SLC1A4: variants seen among roughly 807,000 people sequenced by gnomAD.
The protein encoded by SLC1A4 is solute carrier family 1 member 4.
Under a neutral mutation model 37.7 loss-of-function variants are expected in SLC1A4, and 19 were observed. The ratio of observed to expected loss-of-function variants is 0.50; its 90% CI spans 0.35 to 0.74. The LOEUF (loss-of-function observed/expected upper bound fraction) is 0.74. Ranked by LOEUF, SLC1A4 falls within the 30% of genes least tolerant of loss-of-function variation. The pLI, the probability that SLC1A4 is intolerant of heterozygous loss-of-function variation, is 0.01. For synonymous variants in SLC1A4, 299 were observed against 309.8 expected (o/e 0.97, Z 0.37); for missense variants, 570 against 712.9 (o/e 0.80, Z 2.28).
chr2:65,003,235 G>A (rs1470740530), intron 2 of SLC1A4, among the ~76,000 whole-genome samples: 1 of 152,244 alleles, frequency 6.6e-6, no homozygotes, highest in Non-Finnish European at 1.5e-5. Context: ...CCTCCTGACA[G>A]TTCAAGGACC....
chr2:65,010,528 A>G (rs1020139897), intron 3 of SLC1A4, 69 bp from the exon 4 acceptor site: 3 of 1,350,430 alleles, frequency 2.2e-6, no homozygotes, highest in Non-Finnish European at 3.0e-6. Flanking sequence ...TGGTGGGGAC[A>G]CCAAGCAAAT....
intron 3 of SLC1A4, among the ~76,000 whole-genome samples, 180 bp from the exon 4 acceptor site, chr2:65,010,417 G>A (rs1193520654): frequency 7.9e-5 from 12 of 152,174 alleles, no homozygotes; most frequent in Non-Finnish European, 1.8e-4. Flanking sequence ...TGTATCCTCA[G>A]ACTACATCTC....
intron 1 of SLC1A4, chr2:65,000,187 TG>T (rs1311398023): frequency 6.6e-6 from 1 of 152,230 alleles, no homozygotes; most frequent in Non-Finnish European, 1.5e-5. Context: ...ACAAATGGAC[TG>T]TCAGCTGGAA....
chr2:64,993,128 T>C (rs1256299566), intron 1 of SLC1A4, among the ~76,000 whole-genome samples: 1 of 152,236 alleles, frequency 6.6e-6, no homozygotes, highest in Admixed American at 6.5e-5. Flanking sequence ...GCCTCAGTTA[T>C]CCAGCAGGCC....
chr2:65,021,392 C>T lies in SLC1A4; in HGVS notation c.*246C>T, dbSNP rs1674416775. 5 of 524,204 alleles carry T rather than the reference C, an allele frequency of 9.5e-6. No homozygotes were observed. The highest frequency in any genetic ancestry group is 1.0e-5 in the Non-Finnish European group (3 of 293,210). 32.5% of individuals were successfully genotyped at this position (524,204 alleles called of 1,614,324 possible). On this transcript the variant is annotated 3_prime_UTR_variant, in exon 8 of 8. Coordinates refer to ENST00000234256, the MANE Select transcript of SLC1A4 (RefSeq NM_003038.5). The stretch of plus-strand genomic sequence containing the variant: ...ATGTCCAGGTGCAACTGTGTGTACA[C>T]CAGGGATCTGTTTGGAAACAACCCC...
In SLC1A4 at chr2:64,989,647, G is replaced by C; in HGVS notation, c.4G>C (p.Glu2Gln). The C allele has an allele frequency of 6.6e-7, 1 of 1,524,892 alleles. No homozygotes were observed. The highest frequency in any genetic ancestry group is 8.7e-7 in the Non-Finnish European group (1 of 1,143,516). The allele number at this position is 1,524,892 out of a possible 1,614,324, so 94.5% of individuals were successfully genotyped here. The change falls in exon 1 of 8, where the codon GAG becomes CAG. Residue 2 changes from glutamate to glutamine, a missense_variant. Transcript: ENST00000234256. ...GCTCGGAGCGGCGTGTAGCGCCATG[G>C]AGAAGAGCAACGAGACCAACGGCTA... MEKSNETNGYLD... is the reference protein window; with the variant it reads MQKSNETNGYLD...
rs184796664 is a variant in SLC1A4 at position 64,996,029 on chromosome 2, C to G, written c.528-5419C>G. On this transcript the variant is annotated intron_variant, in intron 1 of 7. Coordinates refer to ENST00000234256, the MANE Select transcript of SLC1A4 (RefSeq NM_003038.5). ...TTCTGTTTGTTTTAAGTAATGTATT[C>G]AAAGAGTCTTATAGCGCTGGAAAAG... is the stretch of plus-strand genomic sequence containing the variant. 2.6e-5 allele frequency among the ~76,000 whole-genome samples: 4 copies of G among 152,260 alleles called. No individual in the cohort carries two copies. In the East Asian group the frequency reaches 7.7e-4, roughly 29 times the overall value.
intron 3 of SLC1A4, among the ~76,000 whole-genome samples, chr2:65,007,940 G>A (rs1364350419): frequency 1.3e-5 from 2 of 152,044 alleles, no homozygotes; most frequent in African/African-American, 4.8e-5. Flanking sequence ...CTATCAACCT[G>A]TACATTTGTA....
intron 4 of SLC1A4, among the ~76,000 whole-genome samples, chr2:65,015,476 G>A (rs912922322): frequency 6.6e-6 from 1 of 152,206 alleles, no homozygotes; most frequent in Admixed American, 6.5e-5. Context: ...AGGTAGGAGT[G>A]TCTATTTGAG....
chr2:65,016,469 T>C lies in SLC1A4; in HGVS notation c.830T>C (p.Val277Ala), dbSNP rs1475308517. 1.2e-6 allele frequency: 2 copies of C among 1,614,188 alleles called. No individual in the cohort carries two copies. The highest frequency in any genetic ancestry group is 1.7e-6 in the Non-Finnish European group (2 of 1,180,006). Residue 277 changes from valine to alanine, a missense_variant, in exon 5 of 8, where the codon GTT becomes GCT. Transcript: ENST00000234256. Reference protein sequence around the residue: ...WYVPVGIMFLVGSKIVEMKDI... With the variant: ...WYVPVGIMFLAGSKIVEMKDI... ...GTACCTGTGGGCATCATGTTCCTTG[T>C]TGGAAGCAAGATCGTGGAAATGAAA... is the stretch of plus-strand genomic sequence containing the variant.
In SLC1A4 at chr2:65,015,012, C is replaced by CA. The variant is rs548677430; in HGVS notation, c.801-1426dup. Among the ~76,000 whole-genome samples, 110 of 152,290 alleles carry CA rather than the reference C, an allele frequency of 7.2e-4. No homozygotes were observed. In the South Asian group the frequency reaches 7.5e-3, roughly 10 times the overall value. On this transcript the variant is annotated intron_variant, in intron 4 of 7. Transcript: ENST00000234256. ...TATTATTCAGCCTTAGAAAGGAGTA[C>CA]AATTCTAGCTCATGCTCCAATGTGG...
In SLC1A4 at chr2:64,989,709, C is replaced by G; in HGVS notation, c.66C>G (p.Pro22=). 1.3e-6 allele frequency: 2 copies of G among 1,517,100 alleles called. No individual in the cohort carries two copies. The highest frequency in any genetic ancestry group is 1.8e-6 in the Non-Finnish European group (2 of 1,138,472). The allele number at this position is 1,517,100 out of a possible 1,614,324, so 94.0% of individuals were successfully genotyped here. A position where few individuals can be genotyped will look rare whatever the true frequency, so the allele number is the denominator to read the frequency against. ...DSAQAGPAAG[P]GAPGTAAGRA... is the part of the protein sequence containing the mutation. ...CTCAGGCGGGGCCTGCGGCCGGGCCCGGAGCTCCGGGGACCGCGGCGGGAC... is the reference window on the plus strand; with the variant it reads ...CTCAGGCGGGGCCTGCGGCCGGGCCGGGAGCTCCGGGGACCGCGGCGGGAC... The change falls in exon 1 of 8, where the codon CCC becomes CCG. Residue 22 remains proline, a synonymous_variant. Transcript: ENST00000234256.
chr2:65,017,496 A>T (rs1341185059), intron 5 of SLC1A4, among the ~76,000 whole-genome samples: 2 of 139,950 alleles, frequency 1.4e-5, no homozygotes, highest in Middle Eastern at 3.8e-3. Context: ...AGGTGGGAGT[A>T]AAAAAAAAAA....
chr2:64,994,648 A>G (rs968534997), intron 1 of SLC1A4: 3 of 152,098 alleles, frequency 2.0e-5, no homozygotes, highest in Non-Finnish European at 2.9e-5. Flanking sequence ...GACTGGTGTG[A>G]ATATGTATGA....
In SLC1A4 at chr2:65,020,955, G is replaced by T; in HGVS notation, c.1408G>T (p.Gly470Cys). The change falls in exon 8 of 8, where the codon GGT becomes TGT. Residue 470 changes from glycine to cysteine, a missense_variant. Transcript: ENST00000234256. Reference protein sequence around the residue: ...TVVNVEGDALGAGILHHLNQK... With the variant: ...TVVNVEGDALCAGILHHLNQK... Reference sequence around the variant, plus strand: ...GGTGAATGTGGAAGGGGATGCCCTGGGTGCAGGCATTCTCCACCACCTGAA... The same window carrying T: ...GGTGAATGTGGAAGGGGATGCCCTGTGTGCAGGCATTCTCCACCACCTGAA... The T allele has an allele frequency of 6.2e-7, 1 of 1,614,190 alleles. No individual in the cohort carries two copies. Among genetic ancestry groups the T allele is most frequent in the Non-Finnish European group, 8.5e-7 (1 of 1,180,024 alleles).
intron 3 of SLC1A4, among the ~76,000 whole-genome samples, chr2:65,009,392 AAAAG>A (rs1190522016): frequency 6.7e-5 from 10 of 150,184 alleles, no homozygotes; most frequent in Non-Finnish European, 1.0e-4. Flanking sequence ...AAAAAAAAAG[AAAAG>A]AAAGAAAGAA....
At chr2:64,992,475 G>A (rs1439419474) in intron 1 of SLC1A4, among the ~76,000 whole-genome samples, 1 of 152,186 alleles carries the variant, frequency 6.6e-6, no homozygotes, top group African/African-American at 2.4e-5. Context: ...GCTTGCTGGG[G>A]ATAGGTATTG....
rs772986775 is a variant in SLC1A4 at position 65,018,164 on chromosome 2, C to T, written c.1128C>T (p.Thr376=). The T allele has an allele frequency of 6.2e-6, 10 of 1,614,060 alleles. No homozygotes were observed. The highest frequency in any genetic ancestry group is 1.1e-5 in the South Asian group (1 of 91,080). ...ISRFILPIGA[T]VNMDGAAIFQ... is the part of the protein sequence containing the mutation. ...GGTTTATTCTCCCCATCGGGGCCAC[C>T]GTGAACATGGACGGAGCAGCCATCT... The change falls in exon 6 of 8, where the codon ACC becomes ACT. Residue 376 remains threonine, a synonymous_variant. Transcript: ENST00000234256. The surrounding 1 kb of genome is among the most constrained non-coding windows in gnomAD (Gnocchi z 4.3).
intron 1 of SLC1A4, among the ~76,000 whole-genome samples, chr2:64,990,548 C>G (rs552179965): frequency 8.5e-4 from 130 of 152,332 alleles, no homozygotes; most frequent in Admixed American, 2.9e-3. Flanking sequence ...CTCATTTTCT[C>G]CCACATGGTG....
Sources: allele counts gnomAD v4.1 joint callset (sites outside exome capture counted in the v4.1 genomes callset), GRCh38; gene constraint gnomAD v4.1.1; non-coding constraint Gnocchi (gnomAD v3.1); transcripts MANE v1.5; gene names NCBI Gene and HGNC (gene_info 2026-07-23, HGNC 2026-07-21).